The following GLB1 variants were observed in gnomAD, a reference collection of about 807,000 sequenced individuals.
The protein encoded by GLB1 is beta-galactosidase.
Under a neutral mutation model 74.0 loss-of-function variants are expected in GLB1, and 56 were observed. The observed-to-expected ratio is 0.76, with a 90% CI of 0.61 to 0.94. GLB1 has a LOEUF of 0.94. GLB1 is among the 40% of genes least tolerant of loss of function. The pLI is 0.00. For missense variants in GLB1, 787 were observed against 845.5 expected (o/e 0.93, Z 0.86); for synonymous variants, 323 against 323.6 (o/e 1.00, Z 0.02).
chr3:32,981,708 G>A, the GLB1 span, among the ~76,000 whole-genome samples: 696 of 151,924 alleles, frequency 4.6e-3, 7 homozygotes, highest in African/African-American at 0.016. Flanking sequence ...GGGAAGTGGA[G>A]GTTGCAGTGA....
Position 33,058,237 on chromosome 3 carries a change from A to G in GLB1, c.585T>C (p.Cys195=). ...GCAGGAAGCGCAGGTAGTCAAAATC[A>G]CAGGCAAAGTAGCTGCCATATTCAT... The part of the protein sequence containing the change: ...VENEYGSYFA[C]DFDYLRFLQK... The change falls in exon 6 of 16, where the codon TGT becomes TGC. Residue 195 remains cysteine, a synonymous_variant. Coordinates refer to ENST00000307363, the MANE Select transcript of GLB1 (RefSeq NM_000404.4). 6.2e-7 allele frequency: 1 copy of G among 1,614,176 alleles called. No homozygotes were observed. The highest frequency in any genetic ancestry group is 1.1e-5 in the South Asian group (1 of 91,084).
intron 10 of GLB1, among the ~76,000 whole-genome samples, chr3:33,029,859 T>C (rs577934263): frequency 1.3e-4 from 20 of 151,636 alleles, no homozygotes; most frequent in Non-Finnish European, 2.6e-4. Context: ...CTATGCTTAT[T>C]ACCTGGGTGA....
the GLB1 span, among the ~76,000 whole-genome samples, chr3:32,978,744 CTTTT>C: frequency 1.4e-5 from 2 of 143,968 alleles, no homozygotes; most frequent in African/African-American, 5.0e-5. Context: ...CCCTGGTTTT[CTTTT>C]TTTTCTTTCT....
At chr3:32,974,665 A>G in the GLB1 span, among the ~76,000 whole-genome samples, 2 of 152,182 alleles carry the variant, frequency 1.3e-5, no homozygotes, top group Admixed American at 6.5e-5. Context: ...GTGTAAGTCC[A>G]AAACCTGGCC....
chr3:33,006,217 G>C (rs563413698), intron 15 of GLB1, among the ~76,000 whole-genome samples: 4 of 152,186 alleles, frequency 2.6e-5, no homozygotes, highest in Non-Finnish European at 5.9e-5. Flanking sequence ...GTTAGGAACC[G>C]GGCCGCACAG....
At chr3:33,011,970 G>T (rs372654257) in intron 15 of GLB1, among the ~76,000 whole-genome samples, 2 of 152,140 alleles carry the variant, frequency 1.3e-5, no homozygotes, top group Non-Finnish European at 2.9e-5. Context: ...TAAAACCACC[G>T]AAGTGCTTCT....
intron 10 of GLB1, among the ~76,000 whole-genome samples, chr3:33,037,746 A>C (rs1278074047): frequency 6.6e-6 from 1 of 152,254 alleles, no homozygotes; most frequent in Non-Finnish European, 1.5e-5. Flanking sequence ...GGGCACTGTC[A>C]ACAGAGGCTT....
intron 5 of GLB1, among the ~76,000 whole-genome samples, chr3:33,063,025 AG>A (rs749770224): frequency 6.6e-6 from 1 of 152,234 alleles, no homozygotes; most frequent in Non-Finnish European, 1.5e-5. Context: ...AGGAGGCGAC[AG>A]TGACGGTTCT....
intron 10 of GLB1, among the ~76,000 whole-genome samples, chr3:33,038,911 A>C (rs1698392567): frequency 6.6e-6 from 1 of 152,182 alleles, no homozygotes; most frequent in African/African-American, 2.4e-5. Flanking sequence ...AACCCAAATT[A>C]TCTCTTTCTT....
chr3:33,038,240 A>C (rs1698364455), intron 10 of GLB1, among the ~76,000 whole-genome samples: 1 of 152,190 alleles, frequency 6.6e-6, no homozygotes, highest in Non-Finnish European at 1.5e-5. Flanking sequence ...TCTAGCATTT[A>C]ACACGGAAAT....
At chr3:32,985,765 G>A in the GLB1 span, among the ~76,000 whole-genome samples, 5 of 152,170 alleles carry the variant, frequency 3.3e-5, no homozygotes, top group African/African-American at 9.6e-5. Flanking sequence ...CAGTGCAGTG[G>A]CATGATTTCA....
At chr3:33,000,399 C>A (rs1405188740) in intron 15 of GLB1, among the ~76,000 whole-genome samples, 1 of 152,120 alleles carries the variant, frequency 6.6e-6, no homozygotes, top group Non-Finnish European at 1.5e-5. Flanking sequence ...TTAAACTTAA[C>A]CATATGTGGT....
rs544171229 is a variant in GLB1, at chr3:33,091,268, G to T, written c.75+5743C>A. ...GGTATGGCCCACTGTCAATACCGTG[G>T]CTGCCTGGGAACAAAAAGGGTGGTC... is the stretch of plus-strand genomic sequence containing the variant. On this transcript the variant is annotated intron_variant, in intron 1 of 15. Transcript: ENST00000307363. 1.2e-5 allele frequency: 12 copies of T among 985,432 alleles called. No individual in the cohort carries two copies. The South Asian group carries it at 5.2e-4, about 42-fold the overall frequency. The allele number at this position is 985,432 out of a possible 1,614,324, so 61.0% of individuals were successfully genotyped here.
At chr3:33,009,246 G>A (rs1337379397) in intron 15 of GLB1, among the ~76,000 whole-genome samples, 4 of 151,966 alleles carry the variant, frequency 2.6e-5, no homozygotes, top group Admixed American at 1.3e-4. Context: ...ATTTAAGGCC[G>A]GGTGCAGTGG....
chr3:33,042,436 C>T (rs534086659), intron 10 of GLB1, among the ~76,000 whole-genome samples: 51 of 136,658 alleles, frequency 3.7e-4, no homozygotes, highest in African/African-American at 1.2e-3. Context: ...GGCGTGATCT[C>T]GGCTCACTGC....
At chr3:33,066,915 T>C (rs910860599) in intron 4 of GLB1, among the ~76,000 whole-genome samples, 2 of 151,714 alleles carry the variant, frequency 1.3e-5, no homozygotes, top group Non-Finnish European at 2.9e-5. Flanking sequence ...CACATTGCTC[T>C]ATAAAAGTGG....
chr3:32,986,934 G>A, the GLB1 span, among the ~76,000 whole-genome samples: 1 of 152,150 alleles, frequency 6.6e-6, no homozygotes, highest in Non-Finnish European at 1.5e-5. Context: ...CTGTTCACCT[G>A]ACCAACTATT....
the GLB1 span, among the ~76,000 whole-genome samples, chr3:32,979,611 G>T: frequency 6.6e-6 from 1 of 151,672 alleles, no homozygotes; most frequent in African/African-American, 2.4e-5. Flanking sequence ...CCAGCACTTT[G>T]GGAGGCCAAG....
the GLB1 span, among the ~76,000 whole-genome samples, chr3:32,973,779 A>C: frequency 1.3e-5 from 2 of 152,238 alleles, no homozygotes; most frequent in African/African-American, 4.8e-5. Context: ...TAAATTGTAC[A>C]TCAATGAAAA....
Sources: allele counts gnomAD v4.1 joint callset (sites outside exome capture counted in the v4.1 genomes callset), GRCh38; gene constraint gnomAD v4.1.1; transcripts MANE v1.5; gene names NCBI Gene and HGNC (gene_info 2026-07-23, HGNC 2026-07-21).